The following PLPPR3 variants were observed in gnomAD, a reference collection of about 807,000 sequenced individuals.
The protein encoded by PLPPR3 is phospholipid phosphatase related 3.
In PLPPR3, 14 loss-of-function variants were observed where a neutral mutation model predicts 27.3. The observed-to-expected ratio is 0.51, with a 90% CI of 0.34 to 0.80. The LOEUF (loss-of-function observed/expected upper bound fraction) is 0.80. PLPPR3 is among the 30% of genes least tolerant of loss of function. The probability of loss-of-function intolerance (pLI) is 0.01; values close to 1 mark genes in which losing one functional copy is unlikely to be tolerated. For synonymous variants in PLPPR3, 671 were observed against 508.0 expected, an observed-to-expected ratio of 1.32 and a Z score of -4.32; for missense variants, 1,287 against 1,056.9, an observed-to-expected ratio of 1.22 and a Z score of -3.02.
intron 2 of PLPPR3, among the ~76,000 whole-genome samples, chr19:820,081 C>CA (rs1267835767): frequency 6.6e-6 from 1 of 152,112 alleles, no homozygotes; most frequent in Non-Finnish European, 1.5e-5. Flanking sequence ...CTCTTGGGCT[C>CA]AAGCAATCCA....
At chr19:823,450 A>AAAAAAAAACAAAC (rs1555703879), upstream of PLPPR3, among the ~76,000 whole-genome samples, 1,802 of 143,834 alleles carry the variant, frequency 0.013, 31 homozygotes, top group Middle Eastern at 0.025. Context: ...TCAAAAAAAA[A>AAAAAAAAACAAAC]AAAAAAAACA....
chr19:814,308 CCT>C lies in PLPPR3; in HGVS notation c.831+124_831+125del. On this transcript the variant is annotated intron_variant, in intron 7 of 7. Transcript: ENST00000520876. ...GCTACCAGCCTCCCCTGTCAGACCC[CCT>C]GAGCCTGCCTCCCACCTCAGACCCC... 4.3e-6 allele frequency: 4 copies of C among 937,800 alleles called. 1 individual carries two copies. In the South Asian group the frequency reaches 5.1e-5, roughly 12 times the overall value. 58.1% of individuals were successfully genotyped at this position (937,800 alleles called of 1,614,324 possible).
At chr19:817,029 A>G (rs940272346) in intron 2 of PLPPR3, among the ~76,000 whole-genome samples, 1 of 101,988 alleles carries the variant, frequency 9.8e-6, no homozygotes, top group Admixed American at 1.5e-4. Flanking sequence ...CAACCTACCC[A>G]TCTATCCACC....
At position 813,671 on chromosome 19, in the gene PLPPR3, G is replaced by T; in HGVS notation, c.1056C>A (p.Ala352=). The change falls in exon 8 of 8, where the codon GCC becomes GCA. Residue 352 remains alanine (A), a synonymous_variant. Coordinates refer to ENST00000520876, the MANE Select transcript of PLPPR3 (RefSeq NM_001270366.2). This position sits in a 1 kb window ranked among gnomAD's most constrained non-coding sequence, Gnocchi z 4.1. ...EKTSLGSLKR[A]SVDVDLLAPR... ...GGGCCAGCAGGTCCACGTCCACGCT[G>T]GCGCGCTTCAGGCTGCCCAGCGAGG... is the stretch of plus-strand genomic sequence containing the variant. 1 of 1,534,662 alleles carries T rather than the reference G, an allele frequency of 6.5e-7. No homozygotes were observed. The highest frequency in any genetic ancestry group is 8.7e-7 in the Non-Finnish European group (1 of 1,144,804).
Position 814,866 on chromosome 19 carries a change from G to C in PLPPR3, c.599+20C>G. ...GGCGGAAGAAGGCTCCCAGTCAGGG[G>C]AGTTGGGGGTCCGGCTCACCGTGCA... On this transcript the variant is annotated intron_variant, in intron 5 of 7. Coordinates refer to ENST00000520876, the MANE Select transcript of PLPPR3 (RefSeq NM_001270366.2). 6.2e-7 allele frequency: 1 copy of C among 1,603,574 alleles called. No homozygotes were observed. The highest frequency in any genetic ancestry group is 1.7e-5 in the Admixed American group (1 of 59,932).
At chr19:816,695 C>G (rs2035065796) in intron 2 of PLPPR3, among the ~76,000 whole-genome samples, 2 of 151,686 alleles carry the variant, frequency 1.3e-5, no homozygotes, top group Admixed American at 6.6e-5. Flanking sequence ...ATCTATCCAC[C>G]CACCCAACCG....
At chr19:816,473 TCCATTCATTACCCAG>T (rs1726266295) in intron 2 of PLPPR3, among the ~76,000 whole-genome samples, 1 of 138,894 alleles carries the variant, frequency 7.2e-6, no homozygotes, top group East Asian at 2.6e-4. Context: ...CGTCCATCCA[TCCATTCATTACCCAG>T]CCATTCATTC....
At position 813,837 on chromosome 19, in the gene PLPPR3, G is replaced by T. The variant is rs1264925145; in HGVS notation, c.890C>A (p.Ala297Asp). The T allele has an allele frequency of 8.1e-6, 12 of 1,477,920 alleles. No individual in the cohort carries two copies. Among genetic ancestry groups the T allele is most frequent in the Non-Finnish European group, 1.1e-5 (12 of 1,123,284 alleles). 91.6% of individuals were successfully genotyped at this position (1,477,920 alleles called of 1,614,324 possible). A position where few individuals can be genotyped will look rare whatever the true frequency, so the allele number is the denominator to read the frequency against. ...GGCCCGCAGCGCGTCCTTGGCGGGG[G>T]CCGGGGCCGCGGGCTTCTCTGCAGG... The part of the protein sequence containing the change: ...APPAEKPAAP[A>D]PAKDALRALT... Residue 297 changes from alanine to aspartate, a missense_variant, in exon 8 of 8, where the codon GCC becomes GAC. Coordinates refer to ENST00000520876, the MANE Select transcript of PLPPR3 (RefSeq NM_001270366.2). The surrounding 1 kb of genome is among the most constrained non-coding windows in gnomAD (Gnocchi z 4.1).
chr19:821,574 C>T lies in PLPPR3; in HGVS notation c.-15G>A. ...GTGGAGATCATGGTGCCGCGGGCGC[C>T]GCAGGCCGTGGCTGGAGGGGAGAAA... On this transcript the variant is annotated 5_prime_UTR_variant, in exon 2 of 8. Transcript: ENST00000520876. 2 of 1,470,642 alleles carry T rather than the reference C, an allele frequency of 1.4e-6. No individual in the cohort carries two copies. The highest frequency in any genetic ancestry group is 2.6e-5 in the South Asian group (2 of 77,016). 91.1% of individuals were successfully genotyped at this position (1,470,642 alleles called of 1,614,324 possible).
At position 819,279 on chromosome 19, in the gene PLPPR3, C is replaced by CTT. The variant is rs1252377454; in HGVS notation, c.75+2204_75+2205dup. 8.2e-5 allele frequency among the ~76,000 whole-genome samples: 5 copies of CTT among 60,966 alleles called. 1 individual carries two copies. The highest frequency in any genetic ancestry group is 2.3e-4 in the African/African-American group (2 of 8,692). The allele number at this position is 60,966 out of a possible 152,430, so 40.0% of individuals were successfully genotyped here. ...GGCGTGAGCCACTGCACCCAGCCTACTTTTTTTTTTTTTTTTTCCGAGATG... is the reference window on the plus strand; with the variant it reads ...GGCGTGAGCCACTGCACCCAGCCTACTTTTTTTTTTTTTTTTTTTCCGAGATG... On this transcript the variant is annotated intron_variant, in intron 2 of 7. Coordinates refer to ENST00000520876, the MANE Select transcript of PLPPR3 (RefSeq NM_001270366.2).
rs1234308734 is a variant in PLPPR3 at position 813,931 on chromosome 19, G to T, written c.832-36C>A. 2 of 1,414,982 alleles carry T rather than the reference G, an allele frequency of 1.4e-6. No individual in the cohort carries two copies. Among genetic ancestry groups the T allele is most frequent in the Non-Finnish European group, 1.8e-6 (2 of 1,092,266 alleles). 87.7% of individuals were successfully genotyped at this position (1,414,982 alleles called of 1,614,324 possible). A position where few individuals can be genotyped will look rare whatever the true frequency, so the allele number is the denominator to read the frequency against. Reference sequence around the variant, plus strand: ...GAGGGGTCTGGGGGTGAGGCCTGGGGCTCAGAGGGCTCCTCCCCTGTGATC... The same window carrying T: ...GAGGGGTCTGGGGGTGAGGCCTGGGTCTCAGAGGGCTCCTCCCCTGTGATC... On this transcript the variant is annotated intron_variant, in intron 7 of 7. Transcript: ENST00000520876. The surrounding 1 kb of genome is among the most constrained non-coding windows in gnomAD (Gnocchi z 4.1).
chr19:819,997 C>G lies in PLPPR3; in HGVS notation c.75+1488G>C, dbSNP rs351104. Among the ~76,000 whole-genome samples, 619 of 151,836 alleles carry G rather than the reference C, an allele frequency of 4.1e-3. 4 individuals are homozygous for G. The highest frequency in any genetic ancestry group is 0.014 in the African/African-American group (567 of 41,364). On this transcript the variant is annotated intron_variant, in intron 2 of 7. Coordinates refer to ENST00000520876, the MANE Select transcript of PLPPR3 (RefSeq NM_001270366.2). ...CTGAGACCTCAGCTGCACACCACCA[C>G]GCCCAGCTATTTTTTCTGTTTTTAA... is the stretch of plus-strand genomic sequence containing the variant.
At position 812,748 on chromosome 19, in the gene PLPPR3, T is replaced by C; in HGVS notation, c.1979A>G (p.Asn660Ser). 11 of 1,072,396 alleles carry C rather than the reference T, an allele frequency of 1.0e-5. No homozygotes were observed. Among genetic ancestry groups the C allele is most frequent in the Non-Finnish European group, 1.0e-5 (9 of 885,314 alleles). 66.4% of individuals were successfully genotyped at this position (1,072,396 alleles called of 1,614,324 possible). ...EPRFGAVATVNLATGEGLPPL... is the reference protein window; with the variant it reads ...EPRFGAVATVSLATGEGLPPL... ...GGGCAGCCCCTCGCCCGTGGCCAGG[T>C]TGACGGTGGCCACGGCCCCGAACCG... is the stretch of plus-strand genomic sequence containing the variant. The change falls in exon 8 of 8, where the codon AAC (asparagine) becomes AGC (serine). Residue 660 changes from asparagine (N) to serine (S), a missense_variant. Coordinates refer to ENST00000520876, the MANE Select transcript of PLPPR3 (RefSeq NM_001270366.2).
Position 812,660 on chromosome 19 carries a change from G to C in PLPPR3, c.2067C>G (p.His689Gln). The change falls in exon 8 of 8, where the codon CAC becomes CAG. Residue 689 changes from histidine (H) to glutamine (Q), a missense_variant. Transcript: ENST00000520876. ...PGSRESTLRR[H>Q]AGGLGLAERE... is the part of the protein sequence containing the mutation. Reference sequence around the variant, plus strand: ...GCTCCGCCAGCCCCAGGCCGCCCGCGTGGCGCCGCAGCGTGGACTCCCGGC... The same window carrying C: ...GCTCCGCCAGCCCCAGGCCGCCCGCCTGGCGCCGCAGCGTGGACTCCCGGC... 1 of 1,073,248 alleles carries C rather than the reference G, an allele frequency of 9.3e-7. No individual in the cohort carries two copies. Among genetic ancestry groups the C allele is most frequent in the Non-Finnish European group, 1.1e-6 (1 of 883,590 alleles). The allele number at this position is 1,073,248 out of a possible 1,614,324, so 66.5% of individuals were successfully genotyped here. A position where few individuals can be genotyped will look rare whatever the true frequency, so the allele number is the denominator to read the frequency against.
chr19:818,298 G>A (rs576437016), intron 2 of PLPPR3, among the ~76,000 whole-genome samples: 144 of 152,154 alleles, frequency 9.5e-4, no homozygotes, highest in African/African-American at 3.0e-3. Flanking sequence ...TGGGAGAATC[G>A]TTTGAGGACG....
At chr19:816,142 ACCATCCATCCATTCAT>A (rs1389365494) in intron 2 of PLPPR3, among the ~76,000 whole-genome samples, 34 of 151,336 alleles carry the variant, frequency 2.2e-4, no homozygotes, top group Non-Finnish European at 3.0e-5. Flanking sequence ...TCCACTGGGA[ACCATCCATCCATTCAT>A]CCATCCACCC....
chr19:814,974 T>A lies in PLPPR3; in HGVS notation c.511A>T (p.Thr171Ser), dbSNP rs1197747549. 6.2e-7 allele frequency: 1 copy of A among 1,611,138 alleles called. No individual in the cohort carries two copies. The highest frequency in any genetic ancestry group is 8.5e-7 in the Non-Finnish European group (1 of 1,179,648). The change falls in exon 5 of 8, where the codon ACT becomes TCT. Residue 171 changes from threonine to serine, a missense_variant. By Grantham distance (58) the Thr-to-Ser change is moderately conservative. Transcript: ENST00000520876. ...ACCTCGCAGGACGTGCCCAGGAGAG[T>A]GTAGTTGGGCTTGCAGACGGTGAGG... ...FFLTVCKPNY[T>S]LLGTSCEVNP...
In PLPPR3 at chr19:813,234, T is replaced by A; in HGVS notation, c.1493A>T (p.Glu498Val). 1 of 1,492,854 alleles carries A rather than the reference T, an allele frequency of 6.7e-7. No individual in the cohort carries two copies. The highest frequency in any genetic ancestry group is 8.8e-7 in the Non-Finnish European group (1 of 1,132,302). 92.5% of individuals were successfully genotyped at this position (1,492,854 alleles called of 1,614,324 possible). ...GCCGGCCCCCGTCTGCGCGCCCTCC[T>A]CCGGGATGTGCACCAGCGGCGGCGG... The part of the protein sequence containing the change: ...AGPPPLVHIP[E>V]EGAQTGAGLS... Residue 498 changes from glutamate (E) to valine (V), a missense_variant, in exon 8 of 8, where the codon GAG (glutamate) becomes GTG (valine). Transcript: ENST00000520876. This position sits in a 1 kb window ranked among gnomAD's most constrained non-coding sequence, Gnocchi z 4.1.
In PLPPR3 at chr19:813,908, G is replaced by A. The variant is rs1039906943; in HGVS notation, c.832-13C>T. On this transcript the variant is annotated splice_polypyrimidine_tract_variant and intron_variant, in intron 7 of 7. Transcript: ENST00000520876. This position sits in a 1 kb window ranked among gnomAD's most constrained non-coding sequence, Gnocchi z 4.1. ...CCGCGTGGCAGGCCTGTCGGGGAGA[G>A]GGGTCTGGGGGTGAGGCCTGGGGCT... 3 of 1,422,316 alleles carry A rather than the reference G, an allele frequency of 2.1e-6. No homozygotes were observed. Among genetic ancestry groups the A allele is most frequent in the Non-Finnish European group, 2.7e-6 (3 of 1,095,572 alleles). The allele number at this position is 1,422,316 out of a possible 1,614,324, so 88.1% of individuals were successfully genotyped here. A position where few individuals can be genotyped will look rare whatever the true frequency, so the allele number is the denominator to read the frequency against.
Sources: allele counts gnomAD v4.1 joint callset (sites outside exome capture counted in the v4.1 genomes callset), GRCh38; gene constraint gnomAD v4.1.1; non-coding constraint Gnocchi (gnomAD v3.1); transcripts MANE v1.5; gene names NCBI Gene and HGNC (gene_info 2026-07-23, HGNC 2026-07-21).